MORN1: variants seen among roughly 807,000 people sequenced by gnomAD.
The protein encoded by MORN1 is MORN repeat-containing protein 1.
Under a neutral mutation model 61.9 loss-of-function variants are expected in MORN1, and 67 were observed. The observed-to-expected ratio is 1.08, with a 90% CI of 0.89 to 1.33. The LOEUF (loss-of-function observed/expected upper bound fraction) is 1.33. MORN1 is among the 40% of genes most tolerant of loss of function. The pLI is 0.00. For missense variants in MORN1, 752 were observed against 691.2 expected, an observed-to-expected ratio of 1.09 and a Z score of -0.99; for synonymous variants, 301 against 292.0, an observed-to-expected ratio of 1.03 and a Z score of -0.31.
Position 2,370,514 on chromosome 1 carries a change from T to C in MORN1, c.745+1967A>G, listed in dbSNP as rs148865497. 1.4e-3 allele frequency among the ~76,000 whole-genome samples: 218 copies of C among 152,286 alleles called. 1 individual carries two copies. Among genetic ancestry groups the C allele is most frequent in the East Asian group, 0.013 (69 of 5,186 alleles). On this transcript the variant is annotated intron_variant, in intron 8 of 13. Coordinates refer to ENST00000378531, the MANE Select transcript of MORN1 (RefSeq NM_024848.3). ...TGGACTTCAGCAAAATGAAAAACTT[T>C]TGCTGTTCCAAAGATAGCATTAGGC... is the stretch of plus-strand genomic sequence containing the variant.
At chr1:2,345,790 G>A (rs1439965641) in intron 10 of MORN1, among the ~76,000 whole-genome samples, 1 of 151,870 alleles carries the variant, frequency 6.6e-6, no homozygotes, top group Non-Finnish European at 1.5e-5. Flanking sequence ...GGCCCTGCCA[G>A]GGGAAAGCAA....
chr1:2,388,470 C>T, intron 2 of MORN1, 133 bp from the exon 3 acceptor site: 3 of 661,178 alleles, frequency 4.5e-6, no homozygotes, highest in East Asian at 5.4e-5. Context: ...ATCACTCATG[C>T]TATACATGTA....
intron 4 of MORN1, chr1:2,386,126 G>C (rs960703081): frequency 3.6e-6 from 2 of 548,972 alleles, no homozygotes; most frequent in Non-Finnish European, 6.6e-6. Flanking sequence ...CTTTGGGACA[G>C]GTCGGTGAGC....
chr1:2,387,653 C>T (rs1426100066), intron 3 of MORN1, 124 bp from the exon 4 acceptor site: 2 of 692,386 alleles, frequency 2.9e-6, no homozygotes, highest in African/African-American at 3.5e-5. Flanking sequence ...TCCCTGCCTC[C>T]ATCATACTAC....
intron 6 of MORN1, among the ~76,000 whole-genome samples, chr1:2,383,975 C>T (rs12724614): frequency 0.19 from 28,769 of 152,178 alleles, 3,452 homozygotes; most frequent in East Asian, 0.32. Flanking sequence ...GGTCTGTCTC[C>T]GGGCCCCCTC....
At chr1:2,356,744 G>A (rs1000612536) in intron 10 of MORN1, among the ~76,000 whole-genome samples, 1 of 152,168 alleles carries the variant, frequency 6.6e-6, no homozygotes, top group African/African-American at 2.4e-5. Context: ...GGTTTGAATC[G>A]CACACACTGC....
In MORN1 at chr1:2,357,892, C is replaced by T. The variant is rs975533690; in HGVS notation, c.870-294G>A. ...TCACCTCTCGGGTGCGTTCTGACTT[C>T]ACAGTGGGTCCAAGTTTACCCCAAA... On this transcript the variant is annotated intron_variant, in intron 9 of 13. Transcript: ENST00000378531. This position sits in a 1 kb window ranked among gnomAD's most constrained non-coding sequence, Gnocchi z 6.3. Among the ~76,000 whole-genome samples, 4 of 152,212 alleles carry T rather than the reference C, an allele frequency of 2.6e-5. No homozygotes were observed. Among genetic ancestry groups the T allele is most frequent in the Admixed American group, 2.0e-4 (3 of 15,278 alleles).
intron 12 of MORN1, among the ~76,000 whole-genome samples, chr1:2,335,858 C>CT (rs1234458671): frequency 1.3e-5 from 2 of 151,616 alleles, no homozygotes; most frequent in African/African-American, 4.9e-5. Flanking sequence ...CGCAGCTGCC[C>CT]CCAATTTGTA....
rs1641054643 is a variant in MORN1 at position 2,327,335 on chromosome 1, C to CACAGAAACAA, written c.1251-3193_1251-3192insTTGTTTCTGT. On this transcript the variant is annotated intron_variant, in intron 12 of 13. Transcript: ENST00000378531. ...ACAGAGACACAGAAACACACAGAAA[C>CACAGAAACAA]ACACAGACAGAAACAAACACAGAAA... Among the ~76,000 whole-genome samples, 20 of 134,948 alleles carry CACAGAAACAA rather than the reference C, an allele frequency of 1.5e-4. No individual in the cohort carries two copies. In the South Asian group the frequency reaches 1.8e-3, roughly 12 times the overall value. The allele number at this position is 134,948 out of a possible 152,430, so 88.5% of individuals were successfully genotyped here.
intron 10 of MORN1, among the ~76,000 whole-genome samples, chr1:2,340,786 A>G (rs1337849901): frequency 6.6e-6 from 1 of 152,026 alleles, no homozygotes; most frequent in Non-Finnish European, 1.5e-5. Flanking sequence ...ACAGGCCACC[A>G]CGCAGGGCAC....
rs979094633 is a variant in MORN1, at chr1:2,360,749, G to A, written c.746-2034C>T. On this transcript the variant is annotated intron_variant, in intron 8 of 13. Transcript: ENST00000378531. ...AACTCCACGAGGCTGGGGAAGAACC[G>A]TCTGAAGAATTAAGAGGGACCAGGA... is the stretch of plus-strand genomic sequence containing the variant. Among the ~76,000 whole-genome samples the A allele has an allele frequency of 4.6e-5, 7 of 152,176 alleles. No individual in the cohort carries two copies. The South Asian group carries it at 1.0e-3, about 23-fold the overall frequency.
At chr1:2,325,172 T>TC (rs1569904746) in intron 12 of MORN1, among the ~76,000 whole-genome samples, 9 of 13,666 alleles carry the variant, frequency 6.6e-4, no homozygotes, top group East Asian at 2.7e-3. Flanking sequence ...TTCCTTCCTT[T>TC]CCTTCCTTCC....
chr1:2,327,389 CAG>C (rs1411311696), intron 12 of MORN1, among the ~76,000 whole-genome samples: 1 of 151,844 alleles, frequency 6.6e-6, no homozygotes, highest in Non-Finnish European at 1.5e-5. Flanking sequence ...CAGAAACACA[CAG>C]AAACACAGAA....
intron 12 of MORN1, among the ~76,000 whole-genome samples, chr1:2,332,938 C>T (rs931192394): frequency 6.6e-6 from 1 of 152,188 alleles, no homozygotes; most frequent in African/African-American, 2.4e-5. Flanking sequence ...GTGCAGCCCA[C>T]CAGGCTGCCT....
intron 9 of MORN1, among the ~76,000 whole-genome samples, chr1:2,358,304 C>T (rs1005275052): frequency 3.3e-5 from 5 of 152,160 alleles, no homozygotes; most frequent in African/African-American, 1.2e-4. Context: ...GTCCTGATGT[C>T]TCCACTCCAG....
intron 10 of MORN1, among the ~76,000 whole-genome samples, chr1:2,353,921 T>A (rs1641704455): frequency 6.6e-6 from 1 of 152,170 alleles, no homozygotes; most frequent in East Asian, 1.9e-4. Flanking sequence ...TCATGGATCA[T>A]GGTTGGGAAG....
intron 1 of MORN1, among the ~76,000 whole-genome samples, chr1:2,391,254 G>A (rs1642653623): frequency 6.6e-6 from 1 of 152,158 alleles, no homozygotes; most frequent in South Asian, 2.1e-4. Flanking sequence ...GCGGGAGGAG[G>A]GCTCGGGGAA....
intron 6 of MORN1, chr1:2,376,986 AG>A (rs1642253875): frequency 6.6e-6 from 1 of 152,194 alleles, no homozygotes; most frequent in Non-Finnish European, 1.5e-5. Context: ...GTCCTGGAGC[AG>A]CTGCCTCCCA....
intron 13 of MORN1, 53 bp from the exon 14 acceptor site, chr1:2,321,632 C>T: frequency 1.4e-6 from 2 of 1,428,364 alleles, no homozygotes; most frequent in Non-Finnish European, 1.8e-6. Context: ...CTTCCCCTCC[C>T]TGGCCTCAGC....
Sources: allele counts gnomAD v4.1 joint callset (sites outside exome capture counted in the v4.1 genomes callset), GRCh38; gene constraint gnomAD v4.1.1; non-coding constraint Gnocchi (gnomAD v3.1); transcripts MANE v1.5; gene names NCBI Gene and HGNC (gene_info 2026-07-23, HGNC 2026-07-21).